RNF115: variants seen among roughly 807,000 people sequenced by gnomAD.
RNF115 encodes E3 ubiquitin-protein ligase RNF115.
Under a neutral mutation model 39.2 loss-of-function variants are expected in RNF115, and 31 were observed. The observed-to-expected ratio is 0.79, with a 90% CI of 0.59 to 1.07. The LOEUF (loss-of-function observed/expected upper bound fraction) is 1.07. Ranked by LOEUF, RNF115 falls within the 50% of genes least tolerant of loss-of-function variation. The probability of loss-of-function intolerance (pLI) is 0.00; values close to 1 mark genes in which losing one functional copy is unlikely to be tolerated. For missense variants in RNF115, 384 were observed against 381.7 expected (o/e 1.01, Z -0.05); for synonymous variants, 124 against 131.0 (o/e 0.95, Z 0.37).
At chr1:145,795,086 G>T (rs587732520) in intron 1 of RNF115, among the ~76,000 whole-genome samples, 1 of 152,054 alleles carries the variant, frequency 6.6e-6, no homozygotes, top group Admixed American at 6.5e-5. Context: ...TGTGTCTGGG[G>T]TTTCTTCATT....
chr1:145,767,640 G>C (rs1647413190), intron 4 of RNF115, among the ~76,000 whole-genome samples: 1 of 152,214 alleles, frequency 6.6e-6, no homozygotes, highest in Admixed American at 6.5e-5. Flanking sequence ...GGTGGAGGTT[G>C]TAGCGAGCCG....
intron 3 of RNF115, 46 bp from the exon 4 acceptor site, chr1:145,771,965 T>G: frequency 6.8e-7 from 1 of 1,473,276 alleles, no homozygotes; most frequent in Non-Finnish European, 9.4e-7. Context: ...AATCAATCAA[T>G]AAACACCTGG....
chr1:145,779,523 T>C (rs1648028853), intron 3 of RNF115, among the ~76,000 whole-genome samples: 1 of 152,112 alleles, frequency 6.6e-6, no homozygotes, highest in Non-Finnish European at 1.5e-5. Flanking sequence ...TATGACATAA[T>C]ACCAAGTAAA....
At chr1:145,766,284 CAT>C (rs1213541012) in intron 4 of RNF115, among the ~76,000 whole-genome samples, 6 of 152,292 alleles carry the variant, frequency 3.9e-5, no homozygotes, top group East Asian at 3.9e-4. Flanking sequence ...GGACACAGCA[CAT>C]GTTTCAGAGA....
intron 4 of RNF115, among the ~76,000 whole-genome samples, chr1:145,769,868 G>A (rs1456906405): frequency 1.3e-5 from 2 of 151,914 alleles, no homozygotes; most frequent in Admixed American, 6.6e-5. Flanking sequence ...TTAGCCAGGC[G>A]TGGTGGCACA....
At chr1:145,752,110 T>C (rs1296956478) in intron 5 of RNF115, among the ~76,000 whole-genome samples, 3 of 151,440 alleles carry the variant, frequency 2.0e-5, no homozygotes, top group Non-Finnish European at 4.4e-5. Flanking sequence ...AGGACTGAGG[T>C]TCCTTTGAGC....
chr1:145,781,802 T>A (rs181484634), intron 3 of RNF115, among the ~76,000 whole-genome samples: 1 of 152,116 alleles, frequency 6.6e-6, no homozygotes, highest in East Asian at 1.9e-4. Flanking sequence ...CACTGTTATA[T>A]GACCTCTCCT....
At chr1:145,760,163 C>A (rs183646735) in intron 4 of RNF115, among the ~76,000 whole-genome samples, 11 of 152,228 alleles carry the variant, frequency 7.2e-5, no homozygotes, top group Admixed American at 1.3e-4. Context: ...TGGGGCCAGG[C>A]AGAGTGGCTC....
At chr1:145,769,693 TA>T (rs1445332454) in intron 4 of RNF115, among the ~76,000 whole-genome samples, 1 of 144,276 alleles carries the variant, frequency 6.9e-6, no homozygotes, top group Non-Finnish European at 1.5e-5. Flanking sequence ...TTTATGAAAC[TA>T]ATATAATCCT....
intron 1 of RNF115, among the ~76,000 whole-genome samples, chr1:145,809,534 G>T: frequency 1.3e-5 from 1 of 74,948 alleles, no homozygotes; most frequent in Non-Finnish European, 2.3e-5. Context: ...CACTCTTGTT[G>T]CCCAGGCTGG....
intron 3 of RNF115, among the ~76,000 whole-genome samples, chr1:145,778,885 A>G (rs1433766512): frequency 6.6e-6 from 1 of 152,234 alleles, no homozygotes; most frequent in African/African-American, 2.4e-5. Context: ...TGCAAAGTAC[A>G]TTGTTCTGAT....
At chr1:145,799,451 T>C (rs1474542282) in intron 1 of RNF115, among the ~76,000 whole-genome samples, 1 of 152,200 alleles carries the variant, frequency 6.6e-6, no homozygotes, top group Non-Finnish European at 1.5e-5. Context: ...CTTTTCTTTT[T>C]CTTGCCTAAA....
intron 1 of RNF115, among the ~76,000 whole-genome samples, chr1:145,819,460 A>G (rs1275782326): frequency 2.6e-5 from 4 of 152,104 alleles, no homozygotes; most frequent in Middle Eastern, 3.4e-3. Context: ...TCAAAAAATA[A>G]TGAAAAATAA....
At chr1:145,790,267 A>G (rs1222099373) in intron 1 of RNF115, among the ~76,000 whole-genome samples, 1 of 151,700 alleles carries the variant, frequency 6.6e-6, no homozygotes, top group Non-Finnish European at 1.5e-5. Flanking sequence ...CAGTCTCCCG[A>G]GTAGCTGGGA....
intron 1 of RNF115, among the ~76,000 whole-genome samples, chr1:145,795,710 GT>G (rs1402037064): frequency 6.6e-6 from 1 of 152,132 alleles, no homozygotes; most frequent in Admixed American, 6.5e-5. Context: ...AACTGTAGAA[GT>G]GCTCTATGGT....
At chr1:145,780,183 G>A (rs782296257) in intron 3 of RNF115, among the ~76,000 whole-genome samples, 9 of 152,062 alleles carry the variant, frequency 5.9e-5, no homozygotes, top group African/African-American at 1.2e-4. Flanking sequence ...AGCCGAGATC[G>A]TGCCATTGCA....
intron 3 of RNF115, among the ~76,000 whole-genome samples, chr1:145,783,449 G>C (rs1648236987): frequency 6.6e-6 from 1 of 152,112 alleles, no homozygotes; most frequent in Admixed American, 6.5e-5. Flanking sequence ...GAAGCTTAGG[G>C]TTTTACAGGC....
At chr1:145,809,729 A>G in intron 1 of RNF115, among the ~76,000 whole-genome samples, 2 of 106,608 alleles carry the variant, frequency 1.9e-5, no homozygotes, top group Non-Finnish European at 1.9e-5. Context: ...CCTGACCTCG[A>G]GTGATCTGCC....
At chr1:145,792,238 A>G (rs1648709232) in intron 1 of RNF115, among the ~76,000 whole-genome samples, 1 of 152,224 alleles carries the variant, frequency 6.6e-6, no homozygotes, top group Non-Finnish European at 1.5e-5. Flanking sequence ...CTTATGCCAT[A>G]TAGTTTCTGA....
Sources: gnomAD v4.1 joint callset for allele counts (sites outside exome capture counted in the v4.1 genomes callset) on GRCh38, gnomAD v4.1.1 for gene constraint, MANE v1.5 for transcripts, NCBI Gene and HGNC (gene_info 2026-07-23, HGNC 2026-07-21) for gene names.